The following TRDN variants were observed in gnomAD, a reference collection of about 807,000 sequenced individuals.
The protein encoded by TRDN is triadin.
Under a neutral mutation model 149.7 loss-of-function variants are expected in TRDN, and 161 were observed. The observed-to-expected ratio is 1.08, with a 90% confidence interval of 0.95 to 1.23. The LOEUF is 1.23. Ranked by LOEUF, TRDN falls within the 50% of genes most tolerant of loss-of-function variation. TRDN has a pLI of 0.00. For missense variants in TRDN, 896 were observed against 823.5 expected (o/e 1.09, Z -1.08); for synonymous variants, 294 against 250.5 (o/e 1.17, Z -1.64).
intron 1 of TRDN, among the ~76,000 whole-genome samples, chr6:123,574,051 T>C (rs1444416853): frequency 6.6e-6 from 1 of 152,058 alleles, no homozygotes; most frequent in Non-Finnish European, 1.5e-5. Context: ...ATCAAATGCA[T>C]TCAAGAGCAC....
At chr6:123,548,219 A>G (rs1287716147) in intron 3 of TRDN, among the ~76,000 whole-genome samples, 2 of 152,082 alleles carry the variant, frequency 1.3e-5, no homozygotes, top group African/African-American at 2.4e-5. Context: ...CATTAATATT[A>G]ACATTTAATT....
chr6:123,218,575 C>A lies in TRDN; in HGVS notation c.*26G>T. On this transcript the variant is annotated 3_prime_UTR_variant, in exon 41 of 41. Transcript: ENST00000334268. The stretch of plus-strand genomic sequence containing the variant: ...ACATCACATTTTTAAAATCTTAAAG[C>A]ACTTGTAAGGGTCATACATGTGTGT... The A allele has an allele frequency of 1.3e-6, 2 of 1,588,838 alleles. No individual in the cohort carries two copies. The highest frequency in any genetic ancestry group is 1.7e-6 in the Non-Finnish European group (2 of 1,169,160).
chr6:123,294,993 G>A (rs192036179), intron 24 of TRDN, among the ~76,000 whole-genome samples: 2 of 152,238 alleles, frequency 1.3e-5, no homozygotes, highest in Admixed American at 1.3e-4. Context: ...TTAAGATTAA[G>A]GAGGAGTATC....
At chr6:123,484,702 A>G (rs1402715227) in intron 9 of TRDN, among the ~76,000 whole-genome samples, 1 of 152,208 alleles carries the variant, frequency 6.6e-6, no homozygotes, top group Non-Finnish European at 1.5e-5. Flanking sequence ...CTTTAAGGAA[A>G]GTTCTCTCAA....
intron 12 of TRDN, among the ~76,000 whole-genome samples, chr6:123,413,079 A>T (rs1018712957): frequency 1.3e-5 from 2 of 152,204 alleles, no homozygotes; most frequent in African/African-American, 4.8e-5. Context: ...GGGAAAAGCA[A>T]TATAAGAAAT....
intron 9 of TRDN, among the ~76,000 whole-genome samples, chr6:123,474,053 C>G (rs927144137): frequency 7.3e-5 from 11 of 151,406 alleles, no homozygotes; most frequent in African/African-American, 2.7e-4. Context: ...GCAAAATAAC[C>G]AGCTAACATC....
At chr6:123,604,997 C>A (rs1784459406) in intron 1 of TRDN, among the ~76,000 whole-genome samples, 1 of 151,874 alleles carries the variant, frequency 6.6e-6, no homozygotes, top group African/African-American at 2.4e-5. Flanking sequence ...ATATGCCAAA[C>A]ACGTAAACAC....
chr6:123,412,257 G>A (rs1049504057), intron 12 of TRDN, among the ~76,000 whole-genome samples: 10 of 152,200 alleles, frequency 6.6e-5, no homozygotes, highest in African/African-American at 1.7e-4. Flanking sequence ...AGGGAAATGG[G>A]TGGGAGCTGG....
intron 1 of TRDN, among the ~76,000 whole-genome samples, chr6:123,572,023 G>A (rs1782606159): frequency 6.6e-6 from 1 of 152,062 alleles, no homozygotes; most frequent in African/African-American, 2.4e-5. Flanking sequence ...CACTTTTATA[G>A]CTTTGAGAAT....
chr6:123,618,906 A>G (rs778269872), intron 1 of TRDN, among the ~76,000 whole-genome samples: 11 of 151,934 alleles, frequency 7.2e-5, no homozygotes, highest in Non-Finnish European at 1.3e-4. Context: ...CTCTCCAGTA[A>G]CTCAAACATT....
intron 2 of TRDN, 141 bp downstream of exon 2, chr6:123,570,782 T>A: frequency 4.4e-6 from 3 of 684,526 alleles, no homozygotes; most frequent in Non-Finnish European, 7.2e-6. Context: ...TGAAACAGAT[T>A]TCAGTGATCC....
chr6:123,314,512 T>C (rs1271095202), intron 24 of TRDN, among the ~76,000 whole-genome samples: 1 of 151,916 alleles, frequency 6.6e-6, no homozygotes, highest in Non-Finnish European at 1.5e-5. Context: ...CAGAGGAAAA[T>C]AAATCCTTCT....
At chr6:123,429,899 T>C (rs1774261988) in intron 12 of TRDN, among the ~76,000 whole-genome samples, 1 of 152,098 alleles carries the variant, frequency 6.6e-6, no homozygotes, top group African/African-American at 2.4e-5. Context: ...AGAGAAGAAA[T>C]ATGTGGTCTA....
intron 1 of TRDN, among the ~76,000 whole-genome samples, chr6:123,596,412 T>C (rs1322143311): frequency 6.6e-6 from 1 of 152,080 alleles, no homozygotes; most frequent in Non-Finnish European, 1.5e-5. Context: ...GTAGAGGATA[T>C]ATGCTGCGAG....
intron 12 of TRDN, among the ~76,000 whole-genome samples, chr6:123,397,020 C>T (rs1475465415): frequency 6.6e-6 from 1 of 150,652 alleles, no homozygotes; most frequent in Non-Finnish European, 1.5e-5. Context: ...CCACATCTTA[C>T]ATGTTTTTGA....
chr6:123,443,057 G>A (rs766850608), intron 10 of TRDN, among the ~76,000 whole-genome samples: 1 of 151,988 alleles, frequency 6.6e-6, no homozygotes, highest in Admixed American at 6.6e-5. Context: ...AGTGAAATAT[G>A]CATCATCTTG....
At chr6:123,424,582 A>G (rs1774039536) in intron 12 of TRDN, among the ~76,000 whole-genome samples, 1 of 152,182 alleles carries the variant, frequency 6.6e-6, no homozygotes, top group African/African-American at 2.4e-5. Context: ...GCAATAGGAA[A>G]TTAAATTGTG....
chr6:123,351,132 G>A (rs1437796124), intron 21 of TRDN: 2 of 984,638 alleles, frequency 2.0e-6, no homozygotes, highest in African/African-American at 1.7e-5. Flanking sequence ...TTTTATACTA[G>A]AGGGGGAAAG....
intron 5 of TRDN, among the ~76,000 whole-genome samples, chr6:123,524,679 G>C (rs1396868614): frequency 6.6e-6 from 1 of 152,010 alleles, no homozygotes; most frequent in Admixed American, 6.6e-5. Flanking sequence ...AACTCATCTT[G>C]CTGCCTAAGG....
Sources: gnomAD v4.1 joint callset for allele counts (sites outside exome capture counted in the v4.1 genomes callset) on GRCh38, gnomAD v4.1.1 for gene constraint, MANE v1.5 for transcripts, NCBI Gene and HGNC (gene_info 2026-07-23, HGNC 2026-07-21) for gene names.